Variants in DTWD2 observed in about 807,000 individuals in gnomAD.
The protein encoded by DTWD2 is tRNA-uridine aminocarboxypropyltransferase 2.
DTWD2 carries 39 observed loss-of-function variants against 31.8 expected under a neutral mutation model. The ratio of observed to expected loss-of-function variants is 1.22; its 90% confidence interval spans 0.95 to 1.60. The LOEUF is 1.60. Among genes scored for constraint, DTWD2 ranks in the 40% most tolerant of loss-of-function variants. The pLI is 0.00. For missense variants in DTWD2, 515 were observed against 381.5 expected (o/e 1.35, Z -2.92); for synonymous variants, 180 against 142.8 (o/e 1.26, Z -1.86).
intron 5 of DTWD2, among the ~76,000 whole-genome samples, chr5:118,845,959 T>C (rs1394513821): frequency 6.6e-6 from 1 of 152,014 alleles, no homozygotes; most frequent in African/African-American, 2.4e-5. Flanking sequence ...TATAAAACAA[T>C]AGAAGTAATG....
intron 5 of DTWD2, among the ~76,000 whole-genome samples, chr5:118,842,576 G>T (rs1338804385): frequency 2.0e-5 from 3 of 152,026 alleles, no homozygotes; most frequent in African/African-American, 7.2e-5. Flanking sequence ...CTGATTTACA[G>T]GAGAAAAAGA....
At chr5:118,973,906 G>T in intron 1 of DTWD2, 1 of 1,606,982 alleles carries the variant, frequency 6.2e-7, no homozygotes, top group Non-Finnish European at 8.5e-7. Flanking sequence ...CTGCTAACGG[G>T]AATGCTAATG....
chr5:118,901,283 C>T (rs767140491), intron 4 of DTWD2, among the ~76,000 whole-genome samples: 1 of 152,092 alleles, frequency 6.6e-6, no homozygotes, highest in Non-Finnish European at 1.5e-5. Context: ...TCCAAACACA[C>T]ATAAGTGTTT....
rs531412747 is a variant in DTWD2, at chr5:118,973,410, A to G, written c.218+14884T>C. 5.9e-5 allele frequency among the ~76,000 whole-genome samples: 9 copies of G among 152,192 alleles called. No individual in the cohort carries two copies. The East Asian group carries it at 1.5e-3, about 26-fold the overall frequency. On this transcript the variant is annotated intron_variant, in intron 1 of 5. Transcript: ENST00000510708. ...GCTGGTACTTGTTTTTCCTTTCCGT[A>G]TTTAGTGCTTCCTTGAGGAGCTCTT...
chr5:118,916,792 A>C (rs1753588946), intron 4 of DTWD2, among the ~76,000 whole-genome samples: 1 of 152,208 alleles, frequency 6.6e-6, no homozygotes, highest in Non-Finnish European at 1.5e-5. Flanking sequence ...ATACAATTTT[A>C]GTCATAGTTA....
intron 1 of DTWD2, among the ~76,000 whole-genome samples, chr5:118,959,793 T>A (rs1165632123): frequency 6.6e-6 from 1 of 152,002 alleles, no homozygotes; most frequent in Non-Finnish European, 1.5e-5. Context: ...TAAAGCCACA[T>A]ACCTACAACC....
At chr5:118,858,939 T>A (rs560627250) in intron 4 of DTWD2, among the ~76,000 whole-genome samples, 3 of 152,238 alleles carry the variant, frequency 2.0e-5, no homozygotes, top group South Asian at 2.1e-4. Context: ...AGTAAGAAAA[T>A]TTCAAAGGTG....
intron 1 of DTWD2, among the ~76,000 whole-genome samples, chr5:118,981,060 G>C (rs1755288166): frequency 6.6e-6 from 1 of 152,110 alleles, no homozygotes; most frequent in Non-Finnish European, 1.5e-5. Context: ...AACATGGATG[G>C]ACCTTGAAAA....
At chr5:118,860,922 CTT>C (rs1169537889) in intron 4 of DTWD2, among the ~76,000 whole-genome samples, 1 of 152,016 alleles carries the variant, frequency 6.6e-6, no homozygotes, top group Non-Finnish European at 1.5e-5. Context: ...TGGTTTATCT[CTT>C]GTCTTTTGAC....
intron 4 of DTWD2, among the ~76,000 whole-genome samples, chr5:118,922,719 T>C (rs59989728): frequency 0.052 from 7,925 of 152,230 alleles, 683 homozygotes; most frequent in African/African-American, 0.18. Flanking sequence ...CAGTAGACTA[T>C]AGCATACAGT....
At chr5:118,859,583 A>C (rs1325008630) in intron 4 of DTWD2, among the ~76,000 whole-genome samples, 2 of 152,150 alleles carry the variant, frequency 1.3e-5, no homozygotes, top group African/African-American at 4.8e-5. Context: ...TCTTTGCCCC[A>C]GCACCAATAA....
intron 1 of DTWD2, among the ~76,000 whole-genome samples, chr5:118,964,897 G>A (rs1460085402): frequency 9.2e-5 from 14 of 152,234 alleles, no homozygotes; most frequent in African/African-American, 1.2e-4. Context: ...CTGCCTGGCC[G>A]CCCATCGTCT....
At chr5:118,966,255 C>A (rs1032642612) in intron 1 of DTWD2, among the ~76,000 whole-genome samples, 1 of 152,156 alleles carries the variant, frequency 6.6e-6, no homozygotes, top group African/African-American at 2.4e-5. Context: ...AAGTAAACCT[C>A]AAAAAATATG....
chr5:118,971,837 CACA>C (rs1223694070), intron 1 of DTWD2, among the ~76,000 whole-genome samples: 1 of 152,180 alleles, frequency 6.6e-6, no homozygotes, highest in Non-Finnish European at 1.5e-5. Context: ...CTCAAAACTA[CACA>C]ACTACATGGA....
intron 1 of DTWD2, among the ~76,000 whole-genome samples, chr5:118,961,034 T>G (rs1754694072): frequency 6.6e-6 from 1 of 151,672 alleles, no homozygotes; most frequent in South Asian, 2.1e-4. Context: ...ATACACAATT[T>G]ATCTATAGAT....
chr5:118,872,397 A>C (rs1752525491), intron 4 of DTWD2, among the ~76,000 whole-genome samples: 1 of 152,214 alleles, frequency 6.6e-6, no homozygotes, highest in Admixed American at 6.5e-5. Context: ...CAATAAGCTT[A>C]ATCATTTCTA....
chr5:118,948,361 G>T (rs1261424839), intron 1 of DTWD2, among the ~76,000 whole-genome samples: 5 of 152,024 alleles, frequency 3.3e-5, no homozygotes, highest in Non-Finnish European at 7.4e-5. Flanking sequence ...GGTGCCTGTA[G>T]TCCCAGCTAC....
chr5:118,961,133 T>C (rs928822315), intron 1 of DTWD2, among the ~76,000 whole-genome samples: 2 of 152,072 alleles, frequency 1.3e-5, no homozygotes, highest in Non-Finnish European at 2.9e-5. Flanking sequence ...AGAGGCCAGA[T>C]GCCTAGAGAA....
chr5:118,872,236 G>A (rs1752522048), intron 4 of DTWD2, among the ~76,000 whole-genome samples: 1 of 152,148 alleles, frequency 6.6e-6, no homozygotes, highest in African/African-American at 2.4e-5. Context: ...CAGCAATAAG[G>A]TTATTTTCAC....
Sources: gnomAD v4.1 joint callset for allele counts (sites outside exome capture counted in the v4.1 genomes callset) on GRCh38, gnomAD v4.1.1 for gene constraint, MANE v1.5 for transcripts, NCBI Gene and HGNC (gene_info 2026-07-23, HGNC 2026-07-21) for gene names.